The following CEP85L variants were observed in gnomAD, a reference collection of about 807,000 sequenced individuals.
CEP85L encodes centrosomal protein 85L, also known as centrosomal protein of 85 kDa-like.
A neutral mutation model predicts 100.3 loss-of-function variants in CEP85L; 60 were observed. The ratio of observed to expected loss-of-function variants is 0.60; its 90% confidence interval spans 0.49 to 0.74. CEP85L has a LOEUF of 0.74. CEP85L is among the 30% of genes least tolerant of loss of function. The pLI is 0.00. For synonymous variants in CEP85L, 319 were observed against 322.7 expected, an observed-to-expected ratio of 0.99 and a Z score of 0.12; for missense variants, 973 against 936.2, an observed-to-expected ratio of 1.04 and a Z score of -0.51.
intron 2 of CEP85L, among the ~76,000 whole-genome samples, chr6:118,609,840 A>G (rs898690159): frequency 1.3e-5 from 2 of 152,180 alleles, no homozygotes; most frequent in African/African-American, 4.8e-5. Flanking sequence ...ATTCAACAAA[A>G]TTGAACACCC....
chr6:118,638,193 T>C (rs978835855), intron 1 of CEP85L, among the ~76,000 whole-genome samples: 2 of 149,916 alleles, frequency 1.3e-5, no homozygotes, highest in Non-Finnish European at 3.0e-5. Context: ...CTGGGCAACA[T>C]AGTGAGACCG....
chr6:118,593,834 T>A (rs180781109), intron 2 of CEP85L, among the ~76,000 whole-genome samples: 136 of 152,274 alleles, frequency 8.9e-4, no homozygotes, highest in African/African-American at 3.2e-3. Flanking sequence ...TTTTCTGGGA[T>A]GTGATCCATC....
chr6:118,633,043 A>T (rs1774266347), intron 1 of CEP85L, among the ~76,000 whole-genome samples: 1 of 152,226 alleles, frequency 6.6e-6, no homozygotes, highest in South Asian at 2.1e-4. Context: ...TCCACATGGA[A>T]TATGAAAACA....
At chr6:118,707,622 C>T (rs1777637266) in intron 1 of CEP85L, among the ~76,000 whole-genome samples, 1 of 152,086 alleles carries the variant, frequency 6.6e-6, no homozygotes. Context: ...GATGCTTATG[C>T]ATTTATTTTT....
intron 4 of CEP85L, among the ~76,000 whole-genome samples, chr6:118,514,524 C>CAAAA (rs561316113): frequency 5.7e-5 from 5 of 87,504 alleles, no homozygotes; most frequent in South Asian, 4.4e-4. Flanking sequence ...GACACTGTCT[C>CAAAA]AAAAAAAAAA....
chr6:118,598,400 G>A (rs1487622539), intron 2 of CEP85L, among the ~76,000 whole-genome samples: 1 of 152,190 alleles, frequency 6.6e-6, no homozygotes, highest in Non-Finnish European at 1.5e-5. Context: ...AGCTGTGAAT[G>A]TGACCTTATT....
chr6:118,573,200 C>T (rs763554226), intron 2 of CEP85L, among the ~76,000 whole-genome samples: 1 of 152,114 alleles, frequency 6.6e-6, no homozygotes, highest in Admixed American at 6.5e-5. Context: ...GGAGAAAGGG[C>T]AAACTATTAA....
At chr6:118,491,493 T>C (rs553925081) in intron 6 of CEP85L, 193 bp downstream of exon 6, 9 of 1,357,750 alleles carry the variant, frequency 6.6e-6, no homozygotes, top group African/African-American at 3.0e-5. Flanking sequence ...TACAAGAGCA[T>C]TTCTATCCTC....
intron 6 of CEP85L, among the ~76,000 whole-genome samples, chr6:118,485,080 T>C (rs1024458235): frequency 6.6e-5 from 10 of 152,206 alleles, no homozygotes; most frequent in African/African-American, 2.4e-4. Flanking sequence ...TTATATAGGC[T>C]GAAAGTCAGA....
At chr6:118,595,860 T>A (rs1451989981) in intron 2 of CEP85L, among the ~76,000 whole-genome samples, 27 of 152,144 alleles carry the variant, frequency 1.8e-4, no homozygotes, top group Admixed American at 1.8e-3. Flanking sequence ...TGCCACAGTC[T>A]CACCAATCAA....
intron 1 of CEP85L, among the ~76,000 whole-genome samples, chr6:118,637,276 C>G (rs369555747): frequency 3.9e-5 from 6 of 152,140 alleles, no homozygotes; most frequent in African/African-American, 1.4e-4. Context: ...ATACTTAGAG[C>G]CTTTTTATTT....
intron 1 of CEP85L, among the ~76,000 whole-genome samples, chr6:118,689,895 T>C (rs1562360841): frequency 1.3e-5 from 2 of 151,520 alleles, no homozygotes; most frequent in Non-Finnish European, 2.9e-5. Context: ...AGGTATAGTT[T>C]TACATGCTAA....
At chr6:118,583,039 A>T (rs951912124) in intron 2 of CEP85L, among the ~76,000 whole-genome samples, 15 of 152,218 alleles carry the variant, frequency 9.9e-5, no homozygotes, top group African/African-American at 3.4e-4. Context: ...GTGGCAAGTC[A>T]GGGCATTTTA....
intron 5 of CEP85L, among the ~76,000 whole-genome samples, chr6:118,505,961 T>TG (rs1416992140): frequency 6.6e-6 from 1 of 152,086 alleles, no homozygotes; most frequent in African/African-American, 2.4e-5. Flanking sequence ...ACATTGATAG[T>TG]GGGGGAGGTT....
intron 1 of CEP85L, among the ~76,000 whole-genome samples, chr6:118,679,828 A>G (rs1056292756): frequency 1.3e-5 from 2 of 152,088 alleles, no homozygotes; most frequent in African/African-American, 4.8e-5. Flanking sequence ...TTTTTTTTTA[A>G]CTACAATGGA....
chr6:118,675,370 A>G (rs1302044207), intron 1 of CEP85L, among the ~76,000 whole-genome samples: 1 of 152,012 alleles, frequency 6.6e-6, no homozygotes, highest in Non-Finnish European at 1.5e-5. Context: ...GCTAATGACT[A>G]TGGGGTTTCC....
intron 3 of CEP85L, among the ~76,000 whole-genome samples, chr6:118,550,078 T>C (rs1778451963): frequency 6.6e-6 from 1 of 151,798 alleles, no homozygotes; most frequent in Non-Finnish European, 1.5e-5. Context: ...ATGGAAAAAA[T>C]ATGAAAGATG....
rs1381668034 is a variant in CEP85L at position 118,461,992 on chromosome 6, A to G, written c.*3413T>C. On this transcript the variant is annotated 3_prime_UTR_variant, in exon 13 of 13. Transcript: ENST00000368491. The stretch of plus-strand genomic sequence containing the variant: ...GAACTATTACTGATATTTAAAGAAC[A>G]TTTTCCCAATTAAGTAGCTCCTTTA... 6.6e-6 allele frequency: 1 copy of G among 152,038 alleles called. No individual in the cohort carries two copies. The highest frequency in any genetic ancestry group is 1.5e-5 in the Non-Finnish European group (1 of 67,906). 9.4% of individuals were successfully genotyped at this position (152,038 alleles called of 1,614,324 possible).
intron 1 of CEP85L, among the ~76,000 whole-genome samples, chr6:118,673,313 A>G (rs759937822): frequency 3.9e-5 from 6 of 152,246 alleles, no homozygotes; most frequent in Non-Finnish European, 8.8e-5. Context: ...ACCATTGAAT[A>G]TCCAAAGGGA....
Sources: gnomAD v4.1 joint callset for allele counts (sites outside exome capture counted in the v4.1 genomes callset) on GRCh38, gnomAD v4.1.1 for gene constraint, MANE v1.5 for transcripts, NCBI Gene and HGNC (gene_info 2026-07-23, HGNC 2026-07-21) for gene names.